Variants in EYS observed in about 807,000 individuals in gnomAD.
EYS encodes the protein EGF-like photoreceptor maintenance factor, also known as protein eyes shut homolog.
A neutral mutation model predicts 282.1 loss-of-function variants in EYS; 250 were observed. The observed-to-expected ratio is 0.89, with a 90% confidence interval of 0.80 to 0.98. EYS has a LOEUF of 0.98. EYS is among the 50% of genes least tolerant of loss of function. The pLI is 0.00. For synonymous variants in EYS, 1,355 were observed against 1,282.9 expected (o/e 1.06, Z -1.20); for missense variants, 4,016 against 3,709.0 (o/e 1.08, Z -2.15).
At chr6:65,501,157 C>T (rs1374773848) in intron 2 of EYS, among the ~76,000 whole-genome samples, 1 of 151,630 alleles carries the variant, frequency 6.6e-6, no homozygotes, top group East Asian at 1.9e-4. Flanking sequence ...AATCGGTTTT[C>T]TGTAAGTAAT....
chr6:65,602,652 C>A (rs982044102), intron 2 of EYS, among the ~76,000 whole-genome samples: 4 of 151,866 alleles, frequency 2.6e-5, no homozygotes, highest in African/African-American at 9.7e-5. Flanking sequence ...ATAAAAAAGA[C>A]AAAAACTATT....
chr6:64,134,654 TAGAA>T (rs1056023504), intron 31 of EYS, among the ~76,000 whole-genome samples: 6 of 151,938 alleles, frequency 3.9e-5, no homozygotes, highest in Non-Finnish European at 5.9e-5. Context: ...AAGCAAGCAA[TAGAA>T]AGAAGTTAAA....
chr6:64,149,119 G>A lies in EYS; in HGVS notation c.6425-67117C>T, dbSNP rs187468501. Among the ~76,000 whole-genome samples the A allele has an allele frequency of 2.6e-3, 393 of 152,120 alleles. 3 individuals are homozygous for A. Among genetic ancestry groups the A allele is most frequent in the Middle Eastern group, 0.014 (4 of 294 alleles). ...AGATATCATTTTTCAGCTTTTTCTA[G>A]TGACGCTGCTTAGTTACTTTTTGCA... On this transcript the variant is annotated intron_variant, in intron 31 of 42. Transcript: ENST00000503581.
At chr6:64,555,188 C>T (rs946912832) in intron 26 of EYS, among the ~76,000 whole-genome samples, 8 of 151,698 alleles carry the variant, frequency 5.3e-5, no homozygotes, top group African/African-American at 7.3e-5. Flanking sequence ...ACACACACCA[C>T]TTATAAAGAA....
chr6:65,573,294 C>T (rs1288329851), intron 2 of EYS, among the ~76,000 whole-genome samples: 2 of 152,088 alleles, frequency 1.3e-5, no homozygotes, highest in African/African-American at 2.4e-5. Context: ...TCAGAATACG[C>T]AAGATGTCAG....
chr6:64,182,217 T>G (rs1764806721), intron 31 of EYS, among the ~76,000 whole-genome samples: 1 of 152,198 alleles, frequency 6.6e-6, no homozygotes, highest in Non-Finnish European at 1.5e-5. Flanking sequence ...TATCCATATG[T>G]GAAATCATCA....
intron 29 of EYS, among the ~76,000 whole-genome samples, chr6:64,349,761 T>C (rs999097282): frequency 6.6e-6 from 1 of 151,564 alleles, no homozygotes; most frequent in Non-Finnish European, 1.5e-5. Context: ...GATAGTTGAA[T>C]GATTTCTAAA....
At chr6:64,519,177 T>A (rs985904742) in intron 26 of EYS, among the ~76,000 whole-genome samples, 1 of 151,590 alleles carries the variant, frequency 6.6e-6, no homozygotes, top group Non-Finnish European at 1.5e-5. Context: ...AATGCTCTCA[T>A]CCTCCAGGAG....
intron 22 of EYS, among the ~76,000 whole-genome samples, chr6:64,749,763 T>A (rs764339930): frequency 6.6e-6 from 1 of 152,180 alleles, no homozygotes; most frequent in Non-Finnish European, 1.5e-5. Flanking sequence ...TAGCCCAGGT[T>A]GTCTACTCTG....
At chr6:63,955,386 G>A (rs994722809) in intron 35 of EYS, among the ~76,000 whole-genome samples, 1 of 152,146 alleles carries the variant, frequency 6.6e-6, no homozygotes, top group African/African-American at 2.4e-5. Flanking sequence ...TCTTAAAGTG[G>A]ATTAAAGATC....
chr6:64,421,714 C>G (rs780052999), intron 28 of EYS, among the ~76,000 whole-genome samples: 10 of 152,032 alleles, frequency 6.6e-5, no homozygotes, highest in Non-Finnish European at 1.3e-4. Flanking sequence ...TTTTCTCTTT[C>G]TCAAAACTAG....
At chr6:64,849,769 G>A (rs978394392) in intron 19 of EYS, among the ~76,000 whole-genome samples, 1 of 151,774 alleles carries the variant, frequency 6.6e-6, no homozygotes, top group Non-Finnish European at 1.5e-5. Context: ...GTTGCTAGAG[G>A]CAACCTGTGT....
At chr6:65,111,432 T>G (rs1255536740) in intron 12 of EYS, among the ~76,000 whole-genome samples, 2 of 152,180 alleles carry the variant, frequency 1.3e-5, no homozygotes, top group African/African-American at 4.8e-5. Context: ...AAATATATAT[T>G]TATTAATACA....
At chr6:65,052,422 G>A (rs1297328508) in intron 13 of EYS, among the ~76,000 whole-genome samples, 1 of 151,440 alleles carries the variant, frequency 6.6e-6, no homozygotes, top group Non-Finnish European at 1.5e-5. Flanking sequence ...ATTCATTTTT[G>A]GAAGTGCTGG....
At chr6:65,297,866 T>C (rs191759807) in intron 11 of EYS, among the ~76,000 whole-genome samples, 131 of 152,226 alleles carry the variant, frequency 8.6e-4, no homozygotes, top group African/African-American at 2.9e-3. Context: ...TGGCCTGTGC[T>C]AGGCCTTGTT....
intron 14 of EYS, among the ~76,000 whole-genome samples, chr6:64,985,615 G>T (rs1770833739): frequency 6.6e-6 from 1 of 151,392 alleles, no homozygotes; most frequent in South Asian, 2.1e-4. Context: ...TATAGTGACT[G>T]AAAAAATAAA....
chr6:65,088,236 C>T (rs571471801), intron 12 of EYS, among the ~76,000 whole-genome samples: 1 of 151,968 alleles, frequency 6.6e-6, no homozygotes, highest in East Asian at 1.9e-4. Flanking sequence ...ATAAAGATAC[C>T]CAGAAATGTG....
chr6:64,968,713 C>T (rs1338364267), intron 14 of EYS, among the ~76,000 whole-genome samples: 1 of 152,132 alleles, frequency 6.6e-6, no homozygotes, highest in Non-Finnish European at 1.5e-5. Context: ...GCCCCATTGG[C>T]TGTTTTTGTG....
At chr6:65,383,656 C>T (rs1765699075) in intron 8 of EYS, among the ~76,000 whole-genome samples, 1 of 151,462 alleles carries the variant, frequency 6.6e-6, no homozygotes, top group Non-Finnish European at 1.5e-5. Flanking sequence ...ATTCTCCCAT[C>T]TACCTCCCTA....
Sources: allele counts gnomAD v4.1 joint callset (sites outside exome capture counted in the v4.1 genomes callset), GRCh38; gene constraint gnomAD v4.1.1; transcripts MANE v1.5; gene names NCBI Gene and HGNC (gene_info 2026-07-23, HGNC 2026-07-21).